Variants in IQGAP2 observed in about 807,000 individuals in gnomAD.
The protein encoded by IQGAP2 is ras GTPase-activating-like protein IQGAP2.
IQGAP2 carries 173 observed loss-of-function variants against 201.3 expected under a neutral mutation model. That is an observed-to-expected ratio of 0.86 (90% confidence interval 0.76 to 0.98). The LOEUF (loss-of-function observed/expected upper bound fraction) is 0.98. Ranked by LOEUF, IQGAP2 falls within the 50% of genes least tolerant of loss-of-function variation. The pLI is 0.00. For synonymous variants in IQGAP2, 675 were observed against 673.9 expected, an observed-to-expected ratio of 1.00 and a Z score of -0.03; for missense variants, 1,687 against 1,864.8, an observed-to-expected ratio of 0.90 and a Z score of 1.76.
intron 2 of IQGAP2, among the ~76,000 whole-genome samples, chr5:76,526,340 G>T (rs1042597290): frequency 6.6e-6 from 1 of 152,182 alleles, no homozygotes; most frequent in Admixed American, 6.5e-5. Flanking sequence ...TTGCTGAGAG[G>T]TAGGGGCAGA....
intron 1 of IQGAP2, among the ~76,000 whole-genome samples, chr5:76,442,285 A>G (rs1241380433): frequency 6.6e-6 from 1 of 152,206 alleles, no homozygotes; most frequent in Admixed American, 6.5e-5. Context: ...ATGAAAACCT[A>G]TGGTATGATT....
At chr5:76,454,293 T>G (rs2150118832) in intron 1 of IQGAP2, among the ~76,000 whole-genome samples, 1 of 152,054 alleles carries the variant, frequency 6.6e-6, no homozygotes, top group African/African-American at 2.4e-5. Context: ...TATATATATT[T>G]TTTAATTATT....
At position 76,578,849 on chromosome 5, in the gene IQGAP2, T is replaced by G. The variant is rs1745645580; in HGVS notation, c.458+3080T>G. 8.4e-5 allele frequency among the ~76,000 whole-genome samples: 12 copies of G among 142,312 alleles called. No homozygotes were observed. In the Admixed American group the frequency reaches 8.8e-4, roughly 10 times the overall value. The allele number at this position is 142,312 out of a possible 152,430, so 93.4% of individuals were successfully genotyped here. ...GCTTCTTTTGGAATGTTATAAAGCC[T>G]CTGCCTTGAAAAGGAACCAGTTTAA... On this transcript the variant is annotated intron_variant, in intron 5 of 35. Transcript: ENST00000274364.
chr5:76,410,358 C>T (rs188254652), intron 1 of IQGAP2, among the ~76,000 whole-genome samples: 4 of 152,250 alleles, frequency 2.6e-5, no homozygotes, highest in Admixed American at 1.3e-4. Context: ...GGAGAGTCAC[C>T]TGATGCAACC....
At chr5:76,644,733 G>T (rs748707518) in intron 17 of IQGAP2, among the ~76,000 whole-genome samples, 52 of 152,022 alleles carry the variant, frequency 3.4e-4, no homozygotes, top group Non-Finnish European at 6.8e-4. Context: ...TCTGTTGTTA[G>T]GACATAATAG....
chr5:76,545,980 C>T (rs577465263), intron 2 of IQGAP2, among the ~76,000 whole-genome samples: 1 of 152,278 alleles, frequency 6.6e-6, no homozygotes, highest in Non-Finnish European at 1.5e-5. Context: ...ACATGCGTAT[C>T]ATTGGTCTTT....
At chr5:76,637,354 A>T (rs1751230461) in intron 16 of IQGAP2, among the ~76,000 whole-genome samples, 178 bp downstream of exon 16, 2 of 152,178 alleles carry the variant, frequency 1.3e-5, no homozygotes, top group Admixed American at 1.3e-4. Flanking sequence ...AATGTACAGA[A>T]TTTTTTCCAT....
chr5:76,598,180 G>C (rs919898368), intron 10 of IQGAP2, among the ~76,000 whole-genome samples: 4 of 152,170 alleles, frequency 2.6e-5, no homozygotes, highest in Admixed American at 6.5e-5. Context: ...AACAAGGCTC[G>C]TATTTCAAGA....
chr5:76,455,913 T>A (rs1754055474), intron 1 of IQGAP2, among the ~76,000 whole-genome samples: 1 of 152,120 alleles, frequency 6.6e-6, no homozygotes, highest in South Asian at 2.1e-4. Flanking sequence ...TCCTCTGAAG[T>A]TGTGTGTTGA....
intron 1 of IQGAP2, among the ~76,000 whole-genome samples, chr5:76,436,730 A>G (rs529126369): frequency 6.7e-6 from 1 of 150,338 alleles, no homozygotes; most frequent in Admixed American, 6.6e-5. Context: ...GGGTTTCACC[A>G]TGTTGGCCAG....
intron 8 of IQGAP2, among the ~76,000 whole-genome samples, chr5:76,592,352 T>C (rs1412180034): frequency 6.6e-6 from 1 of 152,246 alleles, no homozygotes; most frequent in Non-Finnish European, 1.5e-5. Context: ...TTTCCTATTC[T>C]TGACATTATT....
intron 11 of IQGAP2, among the ~76,000 whole-genome samples, chr5:76,602,815 G>A (rs940518899): frequency 7.9e-5 from 12 of 152,270 alleles, no homozygotes; most frequent in African/African-American, 2.9e-4. Context: ...TCCCCATAGA[G>A]TGCAGGTTCT....
intron 4 of IQGAP2, among the ~76,000 whole-genome samples, chr5:76,572,011 A>T (rs1192505500): frequency 6.6e-6 from 1 of 152,092 alleles, no homozygotes; most frequent in African/African-American, 2.4e-5. Context: ...GGTCCTTCTG[A>T]TTGCATCCCT....
intron 16 of IQGAP2, among the ~76,000 whole-genome samples, chr5:76,638,246 G>C (rs992218982): frequency 2.0e-5 from 3 of 152,166 alleles, no homozygotes; most frequent in African/African-American, 7.2e-5. Flanking sequence ...GGGCATGGTG[G>C]CGGGCACCTG....
chr5:76,554,611 G>A (rs1171832132), intron 2 of IQGAP2, among the ~76,000 whole-genome samples: 1 of 152,174 alleles, frequency 6.6e-6, no homozygotes, highest in African/African-American at 2.4e-5. Flanking sequence ...ACCATAATGA[G>A]ATGCCACTTT....
chr5:76,702,226 G>A (rs996800273), intron 34 of IQGAP2, among the ~76,000 whole-genome samples: 14 of 152,162 alleles, frequency 9.2e-5, no homozygotes, highest in African/African-American at 3.1e-4. Flanking sequence ...AGCAAGGACC[G>A]TATCTTCTAT....
In IQGAP2 at chr5:76,600,683, C is replaced by T. The variant is rs1050351078; in HGVS notation, c.1072-129C>T. On this transcript the variant is annotated intron_variant, in intron 10 of 35. Transcript: ENST00000274364. ...GCCAGTGGAAAGCAGGTGGCCACGA[C>T]TCCTCTTTCTGCTGAGCTATCAAGT... is the stretch of plus-strand genomic sequence containing the variant. The T allele has an allele frequency of 3.7e-6, 4 of 1,076,132 alleles. No individual in the cohort carries two copies. The African/African-American group carries it at 6.3e-5, about 17-fold the overall frequency. The allele number at this position is 1,076,132 out of a possible 1,614,324, so 66.7% of individuals were successfully genotyped here.
chr5:76,449,618 T>C (rs997592397), intron 1 of IQGAP2, among the ~76,000 whole-genome samples: 1 of 152,216 alleles, frequency 6.6e-6, no homozygotes, highest in Non-Finnish European at 1.5e-5. Context: ...ATTCTGAATC[T>C]CCATAATTCT....
At chr5:76,511,470 A>C (rs1455062666) in intron 2 of IQGAP2, among the ~76,000 whole-genome samples, 1 of 152,184 alleles carries the variant, frequency 6.6e-6, no homozygotes, top group African/African-American at 2.4e-5. Context: ...GCAGATTTTC[A>C]CTTAGGTGCC....
Sources: gnomAD v4.1 joint callset for allele counts (sites outside exome capture counted in the v4.1 genomes callset) on GRCh38, gnomAD v4.1.1 for gene constraint, MANE v1.5 for transcripts, NCBI Gene and HGNC (gene_info 2026-07-23, HGNC 2026-07-21) for gene names.